Variants in GTF3C5 observed in about 807,000 individuals in gnomAD.
The protein encoded by GTF3C5 is general transcription factor IIIC subunit 5.
In GTF3C5, 47 loss-of-function variants were observed where a neutral mutation model predicts 61.0. The ratio of observed to expected loss-of-function variants is 0.77; its 90% CI spans 0.61 to 0.98. GTF3C5 has a LOEUF of 0.98. Ranked by LOEUF, GTF3C5 falls within the 50% of genes least tolerant of loss-of-function variation. The pLI is 0.00. For synonymous variants in GTF3C5, 295 were observed against 275.4 expected, an observed-to-expected ratio of 1.07 and a Z score of -0.71; for missense variants, 659 against 703.3, an observed-to-expected ratio of 0.94 and a Z score of 0.71.
rs1031631144 is a variant in GTF3C5 at position 133,055,931 on chromosome 9, G to A, written c.1168-81G>A. The stretch of plus-strand genomic sequence containing the variant: ...GCCAGCTCCCTGGAGAGACCCCATG[G>A]GAGCCTACATGGAGTCTGCAACACT... On this transcript the variant is annotated intron_variant, in intron 8 of 10. Transcript: ENST00000372097. 52 of 1,588,658 alleles carry A rather than the reference G, an allele frequency of 3.3e-5. No homozygotes were observed. In the African/African-American group the frequency reaches 5.4e-4, roughly 16 times the overall value.
intron 1 of GTF3C5, among the ~76,000 whole-genome samples, chr9:133,038,522 C>A (rs1215074602): frequency 6.7e-6 from 1 of 149,496 alleles, no homozygotes; most frequent in Admixed American, 6.7e-5. Flanking sequence ...GCGATCTCGG[C>A]TCACTGTAAC....
chr9:133,031,650 G>A (rs775026215), intron 1 of GTF3C5, among the ~76,000 whole-genome samples: 8 of 152,244 alleles, frequency 5.3e-5, no homozygotes, highest in South Asian at 2.1e-4. Context: ...TCCTTCTATA[G>A]AAGGGTGCAT....
At chr9:133,035,505 G>A (rs1347423240) in intron 1 of GTF3C5, among the ~76,000 whole-genome samples, 3 of 152,190 alleles carry the variant, frequency 2.0e-5, no homozygotes, top group African/African-American at 7.2e-5. Flanking sequence ...GGGGTCCCCA[G>A]TGAATTCCTT....
chr9:133,056,757 C>T lies in GTF3C5; in HGVS notation c.1251-9C>T. ...GGACTTTATGTCCCAACCCTCTCCC[C>T]ACCCCCAGGTTGCAGAAGATCATTC... On this transcript the variant is annotated splice_polypyrimidine_tract_variant and intron_variant, in intron 9 of 10. Coordinates refer to ENST00000372097, the MANE Select transcript of GTF3C5 (RefSeq NM_012087.4). The T allele has an allele frequency of 1.3e-6, 2 of 1,589,494 alleles. No individual in the cohort carries two copies. Among genetic ancestry groups the T allele is most frequent in the East Asian group, 2.3e-5 (1 of 43,596 alleles).
At chr9:133,045,755 G>A (rs1197089258) in intron 3 of GTF3C5, among the ~76,000 whole-genome samples, 1 of 152,120 alleles carries the variant, frequency 6.6e-6, no homozygotes, top group African/African-American at 2.4e-5. Flanking sequence ...TCCTACCTCA[G>A]CCTCCTGAGT....
At chr9:133,031,672 A>G in intron 1 of GTF3C5, among the ~76,000 whole-genome samples, 1 of 152,194 alleles carries the variant, frequency 6.6e-6, no homozygotes, top group East Asian at 1.9e-4. Context: ...TTGCGGATGG[A>G]GCAATGGCGA....
At chr9:133,050,749 TGC>T (rs1850345394) in intron 3 of GTF3C5, 32 bp from the exon 4 acceptor site, 11 of 1,531,320 alleles carry the variant, frequency 7.2e-6, no homozygotes, top group Non-Finnish European at 8.9e-6. Context: ...ATGGCCTTGG[TGC>T]TCCTGTTCTC....
chr9:133,050,775 GC>G lies in GTF3C5; in HGVS notation c.573-3del. On this transcript the variant is annotated splice_polypyrimidine_tract_variant and splice_region_variant and intron_variant, in intron 3 of 10. Transcript: ENST00000372097. ...GCTCCTGTTCTCACCTGTACTCTCT[GC>G]CCCCAGGGAAGGCTACAACAATCCC... 6.2e-7 allele frequency: 1 copy of G among 1,606,758 alleles called. No homozygotes were observed. Among genetic ancestry groups the G allele is most frequent in the South Asian group, 1.1e-5 (1 of 90,576 alleles).
chr9:133,057,000 G>A (rs970902676), intron 10 of GTF3C5, 92 bp downstream of exon 10: 25 of 1,271,236 alleles, frequency 2.0e-5, no homozygotes, highest in Non-Finnish European at 2.4e-5. Context: ...CCTGGGAAAT[G>A]GCACCCAGGT....
chr9:133,043,640 C>A (rs1452757274), intron 2 of GTF3C5, 88 bp from the exon 3 acceptor site: 1 of 1,061,702 alleles, frequency 9.4e-7, no homozygotes. Context: ...GCCCACTCAG[C>A]ACCTCCCTAA....
intron 3 of GTF3C5, 188 bp downstream of exon 3, chr9:133,044,114 C>T (rs138796740): frequency 0.021 from 7,673 of 371,760 alleles, 107 homozygotes; most frequent in South Asian, 0.027. Flanking sequence ...CACTGCACTC[C>T]AGCCCGGGTG....
rs1167175804 is a variant in GTF3C5 at position 133,043,796 on chromosome 9, A to C, written c.442A>C (p.Lys148Gln). The part of the protein sequence containing the change: ...AGGKHTSMYD[K>Q]VLMLRPEKEA... Reference sequence around the variant, plus strand: ...CGGCAAGCATACGTCAATGTATGACAAGGTGCTCATGCTCCGGCCCGAGAA... The same window carrying C: ...CGGCAAGCATACGTCAATGTATGACCAGGTGCTCATGCTCCGGCCCGAGAA... The change falls in exon 3 of 11, where the codon AAG becomes CAG. Residue 148 changes from lysine (K) to glutamine (Q), a missense_variant. Lys to Gln is a moderately conservative substitution (Grantham distance 53). Coordinates refer to ENST00000372097, the MANE Select transcript of GTF3C5 (RefSeq NM_012087.4). The C allele has an allele frequency of 6.2e-7, 1 of 1,614,106 alleles. No individual in the cohort carries two copies. Among genetic ancestry groups the C allele is most frequent in the South Asian group, 1.1e-5 (1 of 91,068 alleles).
chr9:133,042,516 C>T (rs568221184), intron 2 of GTF3C5, among the ~76,000 whole-genome samples: 88 of 152,356 alleles, frequency 5.8e-4, no homozygotes, highest in Non-Finnish European at 1.0e-3. Flanking sequence ...TTCATTGCTG[C>T]CCAATCTTCA....
chr9:133,039,827 C>T (rs1849986449), intron 1 of GTF3C5, among the ~76,000 whole-genome samples: 1 of 152,106 alleles, frequency 6.6e-6, no homozygotes, highest in South Asian at 2.1e-4. Context: ...AGTTAGATGC[C>T]ATTTTTATTC....
chr9:133,057,805 C>T lies in GTF3C5; in HGVS notation c.1394-9C>T, dbSNP rs761012483. On this transcript the variant is annotated splice_polypyrimidine_tract_variant and intron_variant, in intron 10 of 10. Transcript: ENST00000372097. ...GGGACACCCATGGCCTTGTCTCCTCCGGCCCCAGCTCTCTTTTCCAGCTCA... is the reference window on the plus strand; with the variant it reads ...GGGACACCCATGGCCTTGTCTCCTCTGGCCCCAGCTCTCTTTTCCAGCTCA... The T allele has an allele frequency of 1.9e-5, 30 of 1,588,228 alleles. No homozygotes were observed. In the East Asian group the frequency reaches 2.5e-4, roughly 13 times the overall value.
rs746800794 is a variant in GTF3C5, at chr9:133,058,246, C to A, written c.*266C>A. On this transcript the variant is annotated 3_prime_UTR_variant, in exon 11 of 11. Transcript: ENST00000372097. Reference sequence around the variant, plus strand: ...CCCATGAACCAGCCCAGCATCCAGCCAGTGAGTGGGCACCCAATGCCTCTC... The same window carrying A: ...CCCATGAACCAGCCCAGCATCCAGCAAGTGAGTGGGCACCCAATGCCTCTC... The A allele has an allele frequency of 1.2e-5, 12 of 1,018,250 alleles. No individual in the cohort carries two copies. Among genetic ancestry groups the A allele is most frequent in the Non-Finnish European group, 1.4e-5 (11 of 791,230 alleles). 63.1% of individuals were successfully genotyped at this position (1,018,250 alleles called of 1,614,324 possible). A position where few individuals can be genotyped will look rare whatever the true frequency, so the allele number is the denominator to read the frequency against.
chr9:133,041,941 CT>C (rs1850051134), intron 1 of GTF3C5, 145 bp from the exon 2 acceptor site: 1 of 618,636 alleles, frequency 1.6e-6, no homozygotes, highest in African/African-American at 1.9e-5. Context: ...AAAAATGGGC[CT>C]TTTGGGAATT....
upstream of GTF3C5, chr9:133,030,767 C>G (rs934392248): frequency 1.6e-6 from 1 of 611,488 alleles, no homozygotes; most frequent in African/African-American, 1.9e-5. Context: ...TTGCCCCGCC[C>G]GGTGGACTAA....
At chr9:133,055,961 G>T (rs1829924650) in intron 8 of GTF3C5, 51 bp from the exon 9 acceptor site, 1 of 1,612,056 alleles carries the variant, frequency 6.2e-7, no homozygotes, top group Non-Finnish European at 8.5e-7. Context: ...AACACTGGCA[G>T]CCCCAGGGCT....
Sources: gnomAD v4.1 joint callset for allele counts (sites outside exome capture counted in the v4.1 genomes callset) on GRCh38, gnomAD v4.1.1 for gene constraint, MANE v1.5 for transcripts, NCBI Gene and HGNC (gene_info 2026-07-23, HGNC 2026-07-21) for gene names.